Variants in LDB2 observed in about 807,000 individuals in gnomAD.
LDB2 encodes the protein LIM domain binding 2, also known as LIM domain-binding protein 2.
Under a neutral mutation model 44.3 loss-of-function variants are expected in LDB2, and 12 were observed. That is an observed-to-expected ratio of 0.27 (90% CI 0.17 to 0.44). LDB2 has a LOEUF of 0.44. Ranked by LOEUF, LDB2 falls within the 20% of genes least tolerant of loss-of-function variation. The pLI is 1.00. For synonymous variants in LDB2, 164 were observed against 174.8 expected, an observed-to-expected ratio of 0.94 and a Z score of 0.49; for missense variants, 344 against 473.5, an observed-to-expected ratio of 0.73 and a Z score of 2.54.
At chr4:16,897,946 G>T in intron 1 of LDB2, among the ~76,000 whole-genome samples, 2 of 27,922 alleles carry the variant, frequency 7.2e-5, no homozygotes, top group Non-Finnish European at 1.2e-4. Flanking sequence ...ATACACATAT[G>T]TATATATATA....
At chr4:16,653,972 T>A (rs1251554287) in intron 2 of LDB2, among the ~76,000 whole-genome samples, 3 of 152,206 alleles carry the variant, frequency 2.0e-5, no homozygotes, top group Non-Finnish European at 4.4e-5. Flanking sequence ...TTAAAAAATC[T>A]GGAGAGCTCG....
chr4:16,672,822 G>GCCTTCTTTCTTT (rs1462326672), intron 2 of LDB2, among the ~76,000 whole-genome samples: 1 of 68,552 alleles, frequency 1.5e-5, no homozygotes, highest in African/African-American at 6.1e-5. Flanking sequence ...GTGCCTGCCT[G>GCCTTCTTTCTTT]CCTGCCTTCT....
At chr4:16,784,128 C>T (rs1181728949) in intron 1 of LDB2, among the ~76,000 whole-genome samples, 3 of 152,138 alleles carry the variant, frequency 2.0e-5, no homozygotes, top group Non-Finnish European at 2.9e-5. Context: ...AAATAATCAG[C>T]GTTTCATCTC....
chr4:16,681,630 T>C (rs1747907942), intron 2 of LDB2, among the ~76,000 whole-genome samples: 1 of 137,886 alleles, frequency 7.3e-6, no homozygotes, highest in Non-Finnish European at 1.6e-5. Flanking sequence ...TTTTTTTTTT[T>C]TTTTTTTTTT....
intron 1 of LDB2, among the ~76,000 whole-genome samples, chr4:16,759,569 C>T (rs1246483173): frequency 2.0e-5 from 3 of 152,170 alleles, no homozygotes; most frequent in African/African-American, 7.2e-5. Flanking sequence ...AAAGGGTTTG[C>T]ATTTAATGTA....
intron 1 of LDB2, among the ~76,000 whole-genome samples, chr4:16,790,390 G>T (rs1228551368): frequency 1.3e-5 from 2 of 152,142 alleles, no homozygotes; most frequent in East Asian, 3.8e-4. Context: ...GTCCTATAAG[G>T]TTCTATTGAA....
At chr4:16,829,683 T>C (rs1783715287) in intron 1 of LDB2, among the ~76,000 whole-genome samples, 2 of 152,200 alleles carry the variant, frequency 1.3e-5, no homozygotes, top group Non-Finnish European at 1.5e-5. Context: ...GGAGGTGATG[T>C]CACTTAGTCT....
chr4:16,638,569 G>T (rs368448549), intron 2 of LDB2, among the ~76,000 whole-genome samples: 3 of 152,276 alleles, frequency 2.0e-5, no homozygotes, highest in African/African-American at 7.2e-5. Context: ...ACTTAAATGG[G>T]ATCCAGTGTG....
At chr4:16,861,483 A>C (rs1218782816) in intron 1 of LDB2, among the ~76,000 whole-genome samples, 2 of 152,212 alleles carry the variant, frequency 1.3e-5, no homozygotes, top group Non-Finnish European at 2.9e-5. Flanking sequence ...ATACTGCTAT[A>C]GTTGCTCAAA....
Position 16,851,654 on chromosome 4 carries a change from A to G in LDB2, c.132+46700T>C, listed in dbSNP as rs114988106. 8.0e-3 allele frequency among the ~76,000 whole-genome samples: 1,214 copies of G among 152,290 alleles called. 19 individuals are homozygous for G. The highest frequency in any genetic ancestry group is 0.028 in the African/African-American group (1,167 of 41,576). On this transcript the variant is annotated intron_variant, in intron 1 of 7. Coordinates refer to ENST00000304523, the MANE Select transcript of LDB2 (RefSeq NM_001290.5). ...TCCAGTAGGTGAACAGGTAAACACAAAAGATGTCATTAGGATTTGCCAATG... is the reference window on the plus strand; with the variant it reads ...TCCAGTAGGTGAACAGGTAAACACAGAAGATGTCATTAGGATTTGCCAATG...
intron 1 of LDB2, among the ~76,000 whole-genome samples, chr4:16,798,355 T>A (rs1777136881): frequency 6.6e-6 from 1 of 152,132 alleles, no homozygotes; most frequent in South Asian, 2.1e-4. Context: ...TGGGATCAAG[T>A]CCATCTTGGA....
intron 5 of LDB2, among the ~76,000 whole-genome samples, chr4:16,581,989 A>C (rs1027624952): frequency 2.3e-5 from 2 of 88,254 alleles, no homozygotes; most frequent in African/African-American, 4.2e-5. Context: ...GAAGGGAAGG[A>C]AGGGAAGGAA....
intron 1 of LDB2, among the ~76,000 whole-genome samples, chr4:16,848,272 C>T (rs1485517727): frequency 6.6e-6 from 1 of 152,222 alleles, no homozygotes; most frequent in East Asian, 1.9e-4. Context: ...TAACATGGTT[C>T]TGTACACAGA....
chr4:16,655,888 CA>C (rs1417270322), intron 2 of LDB2, among the ~76,000 whole-genome samples: 2 of 125,660 alleles, frequency 1.6e-5, no homozygotes, highest in Non-Finnish European at 3.3e-5. Context: ...GGTTGTTCTG[CA>C]AGAAAACTTT....
At chr4:16,719,436 C>T (rs972990863) in intron 2 of LDB2, among the ~76,000 whole-genome samples, 4 of 152,078 alleles carry the variant, frequency 2.6e-5, no homozygotes, top group African/African-American at 9.7e-5. Context: ...GGATGACCAT[C>T]CCTTTGACGC....
At chr4:16,592,471 T>C (rs879644248) in intron 3 of LDB2, among the ~76,000 whole-genome samples, 11,810 of 78,542 alleles carry the variant, frequency 0.15, 480 homozygotes, top group Non-Finnish European at 0.17. Flanking sequence ...CATACATATA[T>C]ATATATATAT....
intron 2 of LDB2, among the ~76,000 whole-genome samples, chr4:16,638,063 A>T (rs1156392880): frequency 6.6e-6 from 1 of 152,218 alleles, no homozygotes. Context: ...GATTAAACGA[A>T]TGAAAAACAT....
At chr4:16,587,597 TG>T (rs33938043) in intron 4 of LDB2, among the ~76,000 whole-genome samples, 99,736 of 151,502 alleles carry the variant, frequency 0.66, 33,007 homozygotes, top group Admixed American at 0.75. Context: ...AGCAGGAGAG[TG>T]GGGGTGCAAC....
chr4:16,747,138 C>T (rs549349074), intron 2 of LDB2, among the ~76,000 whole-genome samples: 16 of 152,302 alleles, frequency 1.1e-4, no homozygotes, highest in Admixed American at 3.9e-4. Flanking sequence ...CCTGCTTACT[C>T]GGGGCTGGTG....
Sources: gnomAD v4.1 joint callset for allele counts (sites outside exome capture counted in the v4.1 genomes callset) on GRCh38, gnomAD v4.1.1 for gene constraint, MANE v1.5 for transcripts, NCBI Gene and HGNC (gene_info 2026-07-23, HGNC 2026-07-21) for gene names.